Variants in ZNF521 observed in about 807,000 individuals in gnomAD.
ZNF521 encodes the protein LYST-interacting protein 3.
In ZNF521, 14 loss-of-function variants were observed where a neutral mutation model predicts 105.5. The ratio of observed to expected loss-of-function variants is 0.13; its 90% CI spans 0.09 to 0.21. The LOEUF (loss-of-function observed/expected upper bound fraction) is 0.21. Among genes scored for constraint, ZNF521 ranks in the 10% least tolerant of loss-of-function variants. ZNF521 has a pLI of 1.00. For synonymous variants in ZNF521, 635 were observed against 606.0 expected (o/e 1.05, Z -0.70); for missense variants, 1,233 against 1,629.7 (o/e 0.76, Z 4.19).
intron 4 of ZNF521, among the ~76,000 whole-genome samples, chr18:25,212,281 G>A (rs1306284449): frequency 1.3e-5 from 2 of 151,454 alleles, no homozygotes; most frequent in Non-Finnish European, 2.9e-5. Context: ...GGAGGCCAAG[G>A]TGGGCAGATC....
intron 3 of ZNF521, among the ~76,000 whole-genome samples, chr18:25,243,137 A>T (rs913899411): frequency 3.9e-5 from 6 of 152,004 alleles, no homozygotes; most frequent in Admixed American, 1.3e-4. Flanking sequence ...GATAACCTCA[A>T]TTTTCCCTTA....
chr18:25,067,299 G>T (rs1445810096), intron 7 of ZNF521, among the ~76,000 whole-genome samples: 7 of 152,086 alleles, frequency 4.6e-5, no homozygotes, highest in Admixed American at 2.0e-4. Flanking sequence ...ACTGTAAAGG[G>T]CCCCATCTGG....
intron 5 of ZNF521, among the ~76,000 whole-genome samples, chr18:25,095,534 C>T (rs2033833843): frequency 6.6e-6 from 1 of 152,060 alleles, no homozygotes; most frequent in Non-Finnish European, 1.5e-5. Context: ...GATTTTTCTT[C>T]TCCTTTTTGC....
chr18:25,248,295 G>A (rs188192443), intron 3 of ZNF521, among the ~76,000 whole-genome samples: 50 of 152,246 alleles, frequency 3.3e-4, no homozygotes, highest in Middle Eastern at 3.4e-3. Flanking sequence ...GAAATACAAC[G>A]TTATACACCA....
At chr18:25,117,323 A>G (rs892398935) in intron 5 of ZNF521, among the ~76,000 whole-genome samples, 2 of 152,026 alleles carry the variant, frequency 1.3e-5, no homozygotes, top group Non-Finnish European at 2.9e-5. Context: ...CCTGTCTGCT[A>G]AAACAAAAAT....
At chr18:25,263,530 G>T (rs993525563) in intron 3 of ZNF521, among the ~76,000 whole-genome samples, 1 of 151,704 alleles carries the variant, frequency 6.6e-6, no homozygotes, top group Non-Finnish European at 1.5e-5. Context: ...GCTAATTTTT[G>T]TATTTTTAGT....
chr18:25,343,186 T>C (rs1009107476), intron 2 of ZNF521, among the ~76,000 whole-genome samples: 1 of 152,174 alleles, frequency 6.6e-6, no homozygotes, highest in African/African-American at 2.4e-5. Flanking sequence ...CTTCACAGTA[T>C]ACTGATGGGA....
intron 3 of ZNF521, among the ~76,000 whole-genome samples, chr18:25,267,648 G>A (rs1909363230): frequency 6.6e-6 from 1 of 152,136 alleles, no homozygotes; most frequent in Non-Finnish European, 1.5e-5. Flanking sequence ...GGTCTGGAGC[G>A]GACCTATAGC....
At chr18:25,323,466 G>A (rs1913043403) in intron 2 of ZNF521, among the ~76,000 whole-genome samples, 1 of 151,696 alleles carries the variant, frequency 6.6e-6, no homozygotes, top group South Asian at 2.1e-4. Context: ...GGTCTTACTA[G>A]GCAGCCCAAG....
intron 4 of ZNF521, among the ~76,000 whole-genome samples, chr18:25,220,213 G>A (rs946562559): frequency 1.3e-5 from 2 of 152,238 alleles, no homozygotes; most frequent in African/African-American, 4.8e-5. Flanking sequence ...CTGGCCAACA[G>A]TGACAAGTGC....
intron 5 of ZNF521, among the ~76,000 whole-genome samples, chr18:25,184,513 T>C (rs1380236987): frequency 6.6e-6 from 1 of 152,194 alleles, no homozygotes; most frequent in African/African-American, 2.4e-5. Context: ...TTAGTATTAC[T>C]GCACATTAAA....
Position 25,162,124 on chromosome 18 carries a change from T to C in ZNF521, c.3658+33036A>G, listed in dbSNP as rs148349170. ...GCTCGCCTGAACCTATTTTCCTTCC[T>C]CTGTATGTGATCATGAAGAGAACAA... is the stretch of plus-strand genomic sequence containing the variant. On this transcript the variant is annotated intron_variant, in intron 5 of 7. Coordinates refer to ENST00000361524, the MANE Select transcript of ZNF521 (RefSeq NM_015461.3). Among the ~76,000 whole-genome samples, 422 of 152,296 alleles carry C rather than the reference T, an allele frequency of 2.8e-3. 2 individuals carry two copies. Among genetic ancestry groups the C allele is most frequent in the African/African-American group, 9.6e-3 (399 of 41,580 alleles).
At chr18:25,140,513 C>G (rs2034826863) in intron 5 of ZNF521, among the ~76,000 whole-genome samples, 1 of 152,120 alleles carries the variant, frequency 6.6e-6, no homozygotes, top group African/African-American at 2.4e-5. Context: ...AAAACTGACA[C>G]CATTGGCTTT....
chr18:25,349,943 G>A (rs1318660991), intron 2 of ZNF521, among the ~76,000 whole-genome samples: 3 of 151,128 alleles, frequency 2.0e-5, no homozygotes, highest in Non-Finnish European at 4.4e-5. Flanking sequence ...CGCCCTCCCC[G>A]CTCTCCGCCT....
chr18:25,186,989 G>A (rs1458378227), intron 5 of ZNF521, among the ~76,000 whole-genome samples: 2 of 151,616 alleles, frequency 1.3e-5, no homozygotes, highest in East Asian at 1.9e-4. Context: ...ACTTCTGTAC[G>A]TTCCATGTGG....
intron 7 of ZNF521, among the ~76,000 whole-genome samples, chr18:25,071,685 G>A (rs183872259): frequency 2.9e-4 from 44 of 152,252 alleles, no homozygotes; most frequent in African/African-American, 1.0e-3. Flanking sequence ...TTATAGATGA[G>A]AAAATTAAGT....
intron 4 of ZNF521, among the ~76,000 whole-genome samples, chr18:25,205,177 A>G (rs528862810): frequency 2.7e-5 from 4 of 148,552 alleles, no homozygotes; most frequent in Admixed American, 2.0e-4. Flanking sequence ...AAAAATTACC[A>G]GAGCATGTGC....
At chr18:25,065,753 G>T (rs1192712669) in intron 7 of ZNF521, among the ~76,000 whole-genome samples, 1 of 152,122 alleles carries the variant, frequency 6.6e-6, no homozygotes, top group Non-Finnish European at 1.5e-5. Context: ...CAATTTTCCT[G>T]GTGTTTTTAT....
At chr18:25,236,874 T>C (rs986385299) in intron 3 of ZNF521, among the ~76,000 whole-genome samples, 1 of 152,206 alleles carries the variant, frequency 6.6e-6, no homozygotes, top group Non-Finnish European at 1.5e-5. Flanking sequence ...TCTACACAGG[T>C]CTTATGATAT....
Sources: gnomAD v4.1 joint callset for allele counts (sites outside exome capture counted in the v4.1 genomes callset) on GRCh38, gnomAD v4.1.1 for gene constraint, MANE v1.5 for transcripts, NCBI Gene and HGNC (gene_info 2026-07-23, HGNC 2026-07-21) for gene names.